The following PUM1 variants were observed in gnomAD, a reference collection of about 807,000 sequenced individuals.
The protein encoded by PUM1 is pumilio RNA binding family member 1.
In PUM1, 13 loss-of-function variants were observed where a neutral mutation model predicts 131.8. The ratio of observed to expected loss-of-function variants is 0.10; its 90% CI spans 0.06 to 0.16. The LOEUF (loss-of-function observed/expected upper bound fraction) is 0.16. PUM1 is among the 10% of genes least tolerant of loss of function. The pLI is 1.00. For missense variants in PUM1, 961 were observed against 1,512.4 expected (o/e 0.64, Z 6.05); for synonymous variants, 509 against 556.5 (o/e 0.91, Z 1.20).
In PUM1 at chr1:30,970,405, A is replaced by G. The variant is rs116108781; in HGVS notation, c.1507-1913T>C. Reference sequence around the variant, plus strand: ...TCTATATCAGTAATAAGTAAGAATTAACAAATGATCTTGCAGATTTGCTGG... The same window carrying G: ...TCTATATCAGTAATAAGTAAGAATTGACAAATGATCTTGCAGATTTGCTGG... On this transcript the variant is annotated intron_variant, in intron 10 of 21. Coordinates refer to ENST00000426105, the MANE Select transcript of PUM1 (RefSeq NM_001020658.2). Among the ~76,000 whole-genome samples the G allele has an allele frequency of 5.1e-3, 778 of 152,368 alleles. 2 individuals carry two copies. Among genetic ancestry groups the G allele is most frequent in the Non-Finnish European group, 9.1e-3 (621 of 68,038 alleles).
At chr1:30,939,606 ACTCT>A (rs1360397835) in intron 20 of PUM1, among the ~76,000 whole-genome samples, 1 of 152,192 alleles carries the variant, frequency 6.6e-6, no homozygotes, top group East Asian at 1.9e-4. Context: ...CCCTTTGGTT[ACTCT>A]CTAGTGTCTT....
intron 20 of PUM1, among the ~76,000 whole-genome samples, chr1:30,939,185 G>C (rs1639344833): frequency 6.6e-6 from 1 of 152,128 alleles, no homozygotes; most frequent in African/African-American, 2.4e-5. Context: ...GCGAATAACA[G>C]GCTACAGAAA....
At chr1:30,968,102 C>A (rs1640698585) in intron 11 of PUM1, 2 of 643,502 alleles carry the variant, frequency 3.1e-6, no homozygotes, top group Non-Finnish European at 5.9e-6. Flanking sequence ...AGATAATCCA[C>A]CAAGGAAAAA....
chr1:30,953,526 A>C (rs573134737), intron 15 of PUM1, among the ~76,000 whole-genome samples, 188 bp downstream of exon 15: 6 of 152,344 alleles, frequency 3.9e-5, no homozygotes, highest in African/African-American at 1.4e-4. Flanking sequence ...AAAGCAGCCG[A>C]AGTGTATGTA....
chr1:31,001,198 A>C (rs911895942), intron 5 of PUM1, among the ~76,000 whole-genome samples: 2 of 151,480 alleles, frequency 1.3e-5, no homozygotes, highest in African/African-American at 4.9e-5. Context: ...AAAAATAAAA[A>C]TAAAATAAAT....
At chr1:30,999,806 C>T in intron 5 of PUM1, among the ~76,000 whole-genome samples, 1 of 152,132 alleles carries the variant, frequency 6.6e-6, no homozygotes, top group Non-Finnish European at 1.5e-5. Context: ...AGCCATTTTA[C>T]ACAAATGTAA....
chr1:31,024,995 C>A (rs1235804897), intron 3 of PUM1, among the ~76,000 whole-genome samples: 1 of 152,210 alleles, frequency 6.6e-6, no homozygotes, highest in Non-Finnish European at 1.5e-5. Flanking sequence ...TGCCTTTAAA[C>A]TTCTCAGGGC....
chr1:30,978,503 C>CA (rs1641229895), intron 9 of PUM1, among the ~76,000 whole-genome samples: 1 of 152,178 alleles, frequency 6.6e-6, no homozygotes, highest in African/African-American at 2.4e-5. Context: ...ATAACCATGC[C>CA]AAAATGTAAA....
At chr1:30,991,053 T>C (rs1199874580) in intron 7 of PUM1, among the ~76,000 whole-genome samples, 2 of 142,872 alleles carry the variant, frequency 1.4e-5, no homozygotes, top group African/African-American at 2.8e-5. Flanking sequence ...ACTCTGATTA[T>C]GAAGTAAAGA....
intron 5 of PUM1, among the ~76,000 whole-genome samples, chr1:31,001,353 G>A (rs545732021): frequency 6.7e-6 from 1 of 149,790 alleles, no homozygotes; most frequent in South Asian, 2.1e-4. Flanking sequence ...GACAGAAAGA[G>A]ACAGAAAGAG....
chr1:30,965,773 G>A (rs988641260), intron 13 of PUM1, among the ~76,000 whole-genome samples: 1 of 152,114 alleles, frequency 6.6e-6, no homozygotes, highest in Admixed American at 6.5e-5. Context: ...AACTGATTAA[G>A]TAAGTAGCCA....
chr1:30,954,041 A>G (rs770361120), intron 14 of PUM1, 60 bp from the exon 15 acceptor site: 65 of 1,532,540 alleles, frequency 4.2e-5, no homozygotes, highest in Non-Finnish European at 5.3e-5. Flanking sequence ...TTCAAGAGAG[A>G]AAAAAGCATT....
intron 5 of PUM1, among the ~76,000 whole-genome samples, chr1:30,996,480 A>C (rs532092600): frequency 1.3e-5 from 2 of 152,230 alleles, no homozygotes; most frequent in Non-Finnish European, 2.9e-5. Context: ...GACATTCTTA[A>C]ACCTTTCAAC....
intron 3 of PUM1, among the ~76,000 whole-genome samples, chr1:31,025,545 C>CTTTTTTT (rs35510099): frequency 2.3e-4 from 20 of 88,802 alleles, no homozygotes; most frequent in South Asian, 4.4e-4. Context: ...TGTTTTTTGT[C>CTTTTTTT]TTTTTTTTTT....
At chr1:31,008,586 T>C (rs1310953080) in intron 3 of PUM1, among the ~76,000 whole-genome samples, 1 of 152,056 alleles carries the variant, frequency 6.6e-6, no homozygotes, top group Non-Finnish European at 1.5e-5. Flanking sequence ...CGGGAAGCAC[T>C]AAACTGGACA....
At chr1:30,935,325 C>T (rs1050262463) in intron 21 of PUM1, among the ~76,000 whole-genome samples, 1 of 152,174 alleles carries the variant, frequency 6.6e-6, no homozygotes, top group Admixed American at 6.5e-5. Flanking sequence ...AGTATCACTC[C>T]GTTAGAGAGC....
chr1:31,008,899 C>T (rs1225330636), intron 3 of PUM1, among the ~76,000 whole-genome samples: 2 of 151,868 alleles, frequency 1.3e-5, no homozygotes, highest in South Asian at 2.1e-4. Context: ...CAAGGCCGGG[C>T]GCGGTGGCTC....
rs1474255115 is a variant in PUM1, at chr1:30,966,086, A to T, written c.1982T>A (p.Phe661Tyr). 1 of 1,614,124 alleles carries T rather than the reference A, an allele frequency of 6.2e-7. No homozygotes were observed. The highest frequency in any genetic ancestry group is 8.5e-7 in the Non-Finnish European group (1 of 1,180,002). ...LNSNSQSSSL[F>Y]SQGSAQPANT... ...GGCAGGCTGGGCAGAGCCCTGGGAG[A>T]AGAGGGAGCTGCTCTGTGAATTGCT... The change falls in exon 13 of 22, where the codon TTC (phenylalanine) becomes TAC (tyrosine). Residue 661 changes from phenylalanine (F) to tyrosine (Y), a missense_variant. By Grantham distance (22) the Phe-to-Tyr change is conservative (BLOSUM62 3). Transcript: ENST00000426105.
Position 30,981,359 on chromosome 1 carries a change from G to T in PUM1, c.1205C>A (p.Ala402Asp). The T allele has an allele frequency of 6.2e-7, 1 of 1,605,422 alleles. No individual in the cohort carries two copies. The stretch of plus-strand genomic sequence containing the variant: ...TGCCAGTGCATACTGCTGCTGCTGA[G>T]CAGCTGTCAACTGCTGGACAGCAAG... ...NALAVQQLTA[A>D]QQQQYALAAA... is the part of the protein sequence containing the mutation. Residue 402 changes from alanine (A) to aspartate (D), a missense_variant, in exon 8 of 22, where the codon GCT becomes GAT. This residue lies in a region of PUM1 where 654 missense variants were observed against 923.9 expected (regional missense o/e 0.71). Coordinates refer to ENST00000426105, the MANE Select transcript of PUM1 (RefSeq NM_001020658.2).
Sources: allele counts gnomAD v4.1 joint callset (sites outside exome capture counted in the v4.1 genomes callset), GRCh38; gene constraint gnomAD v4.1.1; regional missense constraint gnomAD v4.1.1; transcripts MANE v1.5; gene names NCBI Gene and HGNC (gene_info 2026-07-23, HGNC 2026-07-21).